HERC2: variants seen among roughly 807,000 people sequenced by gnomAD.
The protein encoded by HERC2 is E3 ubiquitin-protein ligase HERC2.
Under a neutral mutation model 537.7 loss-of-function variants are expected in HERC2, and 102 were observed. The ratio of observed to expected loss-of-function variants is 0.19; its 90% confidence interval spans 0.16 to 0.22. HERC2 has a LOEUF of 0.22. Ranked by LOEUF, HERC2 falls within the 10% of genes least tolerant of loss-of-function variation. The probability of loss-of-function intolerance (pLI) is 1.00; values close to 1 mark genes in which losing one functional copy is unlikely to be tolerated. For synonymous variants in HERC2, 2,224 were observed against 2,466.2 expected (o/e 0.90, Z 2.91); for missense variants, 4,236 against 6,198.2 (o/e 0.68, Z 10.63).
intron 83 of HERC2, among the ~76,000 whole-genome samples, chr15:28,128,662 C>T (rs1042899588): frequency 2.6e-5 from 4 of 152,212 alleles, no homozygotes; most frequent in Non-Finnish European, 4.4e-5. Context: ...ATGGCGCCCA[C>T]GTTTTTCACT....
intron 23 of HERC2, among the ~76,000 whole-genome samples, chr15:28,240,397 G>A (rs1488344520): frequency 2.6e-5 from 4 of 152,060 alleles, no homozygotes; most frequent in African/African-American, 4.8e-5. Flanking sequence ...CCGCCTGGGC[G>A]AAAGAGCGAG....
rs775042016 is a variant in HERC2 at position 28,220,499 on chromosome 15, G to A, written c.5798C>T (p.Ala1933Val). 5 of 1,604,604 alleles carry A rather than the reference G, an allele frequency of 3.1e-6. No individual in the cohort carries two copies. The Admixed American group carries it at 5.0e-5, about 16-fold the overall frequency. ...ATCCTCTGCTGAGGGCTGTGCAGCA[G>A]CCGGCAGCTCTGCCAGCTTGAGGTC... ...KYDLKLAELP[A>V]AAQPSAEDSD... is the part of the protein sequence containing the mutation. The change falls in exon 37 of 93, where the codon GCT (alanine) becomes GTT (valine). Residue 1933 changes from alanine to valine, a missense_variant. Transcript: ENST00000261609.
intron 70 of HERC2, among the ~76,000 whole-genome samples, chr15:28,151,922 GAA>G (rs1892499071): frequency 6.6e-6 from 1 of 152,198 alleles, no homozygotes; most frequent in Non-Finnish European, 1.5e-5. Flanking sequence ...CTCTTTACAG[GAA>G]AGTATTCCAG....
At chr15:28,166,577 A>G (rs1423188572) in intron 68 of HERC2, among the ~76,000 whole-genome samples, 1 of 152,218 alleles carries the variant, frequency 6.6e-6, no homozygotes, top group Non-Finnish European at 1.5e-5. Flanking sequence ...GAAATGGCTG[A>G]TTCCAGGCAG....
At chr15:28,244,102 T>C (rs990840483) in intron 23 of HERC2, among the ~76,000 whole-genome samples, 1 of 152,004 alleles carries the variant, frequency 6.6e-6, no homozygotes, top group African/African-American at 2.4e-5. Flanking sequence ...AGGTCAAGGC[T>C]ACAGTGAGCC....
intron 3 of HERC2, chr15:28,298,748 A>T (rs2076540289): frequency 6.6e-6 from 1 of 152,110 alleles, no homozygotes; most frequent in South Asian, 2.1e-4. Flanking sequence ...GTGAGCTGAG[A>T]TCGCGCCACT....
intron 23 of HERC2, among the ~76,000 whole-genome samples, chr15:28,244,870 T>C (rs1291891415): frequency 6.6e-6 from 1 of 152,192 alleles, no homozygotes; most frequent in Non-Finnish European, 1.5e-5. Flanking sequence ...AAAAAGCCCA[T>C]CCAGCTTGAG....
At chr15:28,211,994 C>G (rs965406808) in intron 43 of HERC2, among the ~76,000 whole-genome samples, 6 of 152,170 alleles carry the variant, frequency 3.9e-5, no homozygotes, top group African/African-American at 1.2e-4. Flanking sequence ...CGAAGGAAGG[C>G]AAAGCCAAGC....
intron 78 of HERC2, among the ~76,000 whole-genome samples, chr15:28,140,694 G>C (rs1476281364): frequency 6.6e-6 from 1 of 151,540 alleles, no homozygotes; most frequent in East Asian, 2.0e-4. Context: ...GCTTATTTTT[G>C]TATTTTTCGT....
At chr15:28,115,297 C>G in intron 89 of HERC2, 132 bp downstream of exon 89, 1 of 489,152 alleles carries the variant, frequency 2.0e-6, no homozygotes, top group Non-Finnish European at 3.6e-6. Context: ...CAAAGGTGGT[C>G]CACAGCCAAC....
intron 78 of HERC2, among the ~76,000 whole-genome samples, chr15:28,137,604 C>T (rs1890783438): frequency 6.6e-6 from 1 of 152,224 alleles, no homozygotes; most frequent in Admixed American, 6.5e-5. Flanking sequence ...AAACCACACC[C>T]ATAGAAGACG....
At chr15:28,285,827 A>G (rs1236192503) in intron 4 of HERC2, among the ~76,000 whole-genome samples, 2 of 149,902 alleles carry the variant, frequency 1.3e-5, no homozygotes, top group East Asian at 2.0e-4. Context: ...AAAGACATAA[A>G]TTACCAACAT....
chr15:28,149,991 C>T lies in HERC2; in HGVS notation c.10900+2686G>A, dbSNP rs115208173. 5.3e-3 allele frequency among the ~76,000 whole-genome samples: 780 copies of T among 147,864 alleles called. 1 individual carries two copies. The highest frequency in any genetic ancestry group is 0.014 in the African/African-American group (563 of 39,936). On this transcript the variant is annotated intron_variant, in intron 70 of 92. Transcript: ENST00000261609. ...TCCTAACCGAGAACATCACCGAGAA[C>T]GGCCACACGAACACACATTCTAGTA... is the stretch of plus-strand genomic sequence containing the variant.
chr15:28,176,508 T>C lies in HERC2; in HGVS notation c.9606A>G (p.Leu3202=), dbSNP rs1311164708. 2 of 1,614,028 alleles carry C rather than the reference T, an allele frequency of 1.2e-6. No homozygotes were observed. Among genetic ancestry groups the C allele is most frequent in the African/African-American group, 1.3e-5 (1 of 74,922 alleles). The change falls in exon 63 of 93, where the codon CTA becomes CTG. Residue 3202 remains leucine, a synonymous_variant. Transcript: ENST00000261609. This position sits in a 1 kb window ranked among gnomAD's most constrained non-coding sequence, Gnocchi z 5.0. ...CAATCTGGCACACCCCCTGTCCATT[T>C]AGTCTCTCAATGTTCTGGGGAATGT... The part of the protein sequence containing the change: ...GCNIPQNIER[L]NGQGVCQIEC...
chr15:28,269,445 T>C lies in HERC2; in HGVS notation c.1258-9A>G. ...ACCTCTTGCAATGATCCCTGTAAGA[T>C]AAGAAAGTAAACATTTCCTTTAACA... On this transcript the variant is annotated splice_polypyrimidine_tract_variant and intron_variant, in intron 10 of 92. Transcript: ENST00000261609. The C allele has an allele frequency of 6.3e-7, 1 of 1,592,624 alleles. No individual in the cohort carries two copies. Among genetic ancestry groups the C allele is most frequent in the South Asian group, 1.1e-5 (1 of 90,012 alleles).
chr15:28,158,046 T>G (rs1383538978), intron 69 of HERC2, among the ~76,000 whole-genome samples: 1 of 152,238 alleles, frequency 6.6e-6, no homozygotes, highest in Non-Finnish European at 1.5e-5. Flanking sequence ...TTGAGCAGTT[T>G]TGAGTGAGTT....
At chr15:28,160,373 G>A (rs1235902280) in intron 69 of HERC2, among the ~76,000 whole-genome samples, 1 of 152,190 alleles carries the variant, frequency 6.6e-6, no homozygotes, top group African/African-American at 2.4e-5. Flanking sequence ...AGCTGCGGTG[G>A]GCTCCACCCA....
At chr15:28,244,667 T>C (rs914304938) in intron 23 of HERC2, among the ~76,000 whole-genome samples, 3 of 152,154 alleles carry the variant, frequency 2.0e-5, no homozygotes, top group Non-Finnish European at 2.9e-5. Context: ...AACAGTATGA[T>C]AGTAGAGAGA....
chr15:28,244,962 T>TA (rs1433814086), intron 23 of HERC2, among the ~76,000 whole-genome samples: 1 of 152,146 alleles, frequency 6.6e-6, no homozygotes, highest in Non-Finnish European at 1.5e-5. Context: ...CATGGTGACT[T>TA]AGATTCAAAA....
Sources: gnomAD v4.1 joint callset for allele counts (sites outside exome capture counted in the v4.1 genomes callset) on GRCh38, gnomAD v4.1.1 for gene constraint, Gnocchi (gnomAD v3.1) non-coding constraint, MANE v1.5 for transcripts, NCBI Gene and HGNC (gene_info 2026-07-23, HGNC 2026-07-21) for gene names.